ASPRV1: variants seen among roughly 807,000 people sequenced by gnomAD.
ASPRV1 encodes retroviral-like aspartic protease 1.
In ASPRV1, 7 loss-of-function variants were observed where a neutral mutation model predicts 11.0. The ratio of observed to expected loss-of-function variants is 0.64; its 90% CI spans 0.36 to 1.20. The LOEUF is 1.20. Among genes scored for constraint, ASPRV1 ranks in the 50% most tolerant of loss-of-function variants. The probability of loss-of-function intolerance (pLI) is 0.02; values close to 1 mark genes in which losing one functional copy is unlikely to be tolerated. For synonymous variants in ASPRV1, 136 were observed against 138.4 expected (o/e 0.98, Z 0.12); for missense variants, 299 against 320.0 (o/e 0.93, Z 0.50).
At chr2:70,043,060 G>A in the ASPRV1 span, among the ~76,000 whole-genome samples, 2 of 152,148 alleles carry the variant, frequency 1.3e-5, no homozygotes, top group African/African-American at 2.4e-5. Context: ...AACGCTGTGA[G>A]AATTCTAATC....
At chr2:69,963,601 C>T (rs550563884), upstream of ASPRV1, 2 of 377,662 alleles carry the variant, frequency 5.3e-6, no homozygotes, top group African/African-American at 2.1e-5. Flanking sequence ...TGCCCTGAAC[C>T]GGCTTTTCAA....
At chr2:69,963,941 G>A (rs978503744), upstream of ASPRV1, among the ~76,000 whole-genome samples, 1 of 152,182 alleles carries the variant, frequency 6.6e-6, no homozygotes, top group African/African-American at 2.4e-5. Flanking sequence ...ACAAAGAGCT[G>A]CTTGTTAAAT....
At chr2:69,985,299 G>T in the ASPRV1 span, among the ~76,000 whole-genome samples, 1 of 151,770 alleles carries the variant, frequency 6.6e-6, no homozygotes, top group Non-Finnish European at 1.5e-5. Flanking sequence ...ACAGATTGCT[G>T]AGTTAGCCAC....
chr2:69,956,259 A>T (rs920869368), downstream of ASPRV1, among the ~76,000 whole-genome samples: 2 of 152,090 alleles, frequency 1.3e-5, no homozygotes, highest in African/African-American at 4.8e-5. Flanking sequence ...CCAATAAATG[A>T]GTAGAGAAAG....
At chr2:69,935,208 A>T in the ASPRV1 span, 2 of 635,860 alleles carry the variant, frequency 3.1e-6, no homozygotes, top group South Asian at 3.7e-5. Context: ...GGTTCAAAAT[A>T]TGTTTATTCA....
At chr2:70,067,572 G>A in the ASPRV1 span, among the ~76,000 whole-genome samples, 15 of 152,352 alleles carry the variant, frequency 9.8e-5, no homozygotes, top group Non-Finnish European at 1.5e-4. Flanking sequence ...AGATATGCCT[G>A]TTTGTACTAA....
At chr2:70,081,817 T>C in the ASPRV1 span, among the ~76,000 whole-genome samples, 1 of 152,018 alleles carries the variant, frequency 6.6e-6, no homozygotes, top group African/African-American at 2.4e-5. Context: ...ACACCTGGAC[T>C]CAAGTGATCC....
chr2:70,083,813 C>T, the ASPRV1 span: 1 of 152,164 alleles, frequency 6.6e-6, no homozygotes, highest in Non-Finnish European at 1.5e-5. Context: ...TAGAAGGACC[C>T]TTAGAGATCA....
chr2:70,013,936 T>C, the ASPRV1 span, among the ~76,000 whole-genome samples: 2 of 152,192 alleles, frequency 1.3e-5, no homozygotes, highest in African/African-American at 2.4e-5. Context: ...ATGGATTCAT[T>C]GTTGTTACTT....
the ASPRV1 span, among the ~76,000 whole-genome samples, chr2:69,971,437 G>C: frequency 1.3e-5 from 2 of 152,084 alleles, no homozygotes; most frequent in Non-Finnish European, 2.9e-5. Flanking sequence ...TCCCAGCAAG[G>C]GATCAATGTG....
the ASPRV1 span, among the ~76,000 whole-genome samples, chr2:70,077,752 G>C: frequency 1.3e-5 from 2 of 152,156 alleles, no homozygotes; most frequent in Non-Finnish European, 2.9e-5. Flanking sequence ...CTACACAGGA[G>C]GCTGAGGCAG....
upstream of ASPRV1, chr2:69,963,357 C>G (rs75197723): frequency 8.5e-4 from 387 of 456,672 alleles, 6 homozygotes; most frequent in East Asian, 0.022. Context: ...CCCAGCCACA[C>G]GCAAGACCAG....
the ASPRV1 span, among the ~76,000 whole-genome samples, chr2:70,063,617 A>G: frequency 6.6e-6 from 1 of 152,212 alleles, no homozygotes; most frequent in South Asian, 2.1e-4. Flanking sequence ...TGACATATTT[A>G]AAAGAATGGA....
chr2:70,076,504 T>C, the ASPRV1 span, among the ~76,000 whole-genome samples: 1 of 152,184 alleles, frequency 6.6e-6, no homozygotes, highest in East Asian at 1.9e-4. Context: ...CATTTAACCG[T>C]CACCACCATC....
the ASPRV1 span, among the ~76,000 whole-genome samples, chr2:70,084,435 T>G: frequency 2.6e-5 from 4 of 152,212 alleles, no homozygotes; most frequent in African/African-American, 9.6e-5. Context: ...GTCTCTGGAC[T>G]CAGATTGCCT....
chr2:70,032,717 T>C, the ASPRV1 span, among the ~76,000 whole-genome samples: 2 of 152,204 alleles, frequency 1.3e-5, no homozygotes, highest in African/African-American at 2.4e-5. Flanking sequence ...CAAGACTTTG[T>C]GTAAGACTTT....
the ASPRV1 span, among the ~76,000 whole-genome samples, chr2:70,077,710 C>G: frequency 3.3e-5 from 5 of 151,850 alleles, no homozygotes; most frequent in Non-Finnish European, 1.5e-5. Context: ...AAAATATTAT[C>G]TGGGCATGGT....
the ASPRV1 span, among the ~76,000 whole-genome samples, chr2:70,066,725 G>A: frequency 6.6e-6 from 1 of 152,002 alleles, no homozygotes; most frequent in East Asian, 1.9e-4. Flanking sequence ...AGCCTCCCAA[G>A]TATCTGGGAC....
At chr2:69,962,005 A>G (rs1473597093), upstream of ASPRV1, 2 of 310,550 alleles carry the variant, frequency 6.4e-6, no homozygotes, top group East Asian at 5.6e-5. Flanking sequence ...GGCCTCCCCA[A>G]CAAGTGACTA....
Sources: allele counts gnomAD v4.1 joint callset (sites outside exome capture counted in the v4.1 genomes callset), GRCh38; gene constraint gnomAD v4.1.1; transcripts MANE v1.5; gene names NCBI Gene and HGNC (gene_info 2026-07-23, HGNC 2026-07-21).